The following RIC1 variants were observed in gnomAD, a reference collection of about 807,000 sequenced individuals.
The protein encoded by RIC1 is guanine nucleotide exchange factor subunit RIC1.
A neutral mutation model predicts 169.0 loss-of-function variants in RIC1; 88 were observed. The observed-to-expected ratio is 0.52, with a 90% CI of 0.44 to 0.62. The LOEUF is 0.62. Ranked by LOEUF, RIC1 falls within the 20% of genes least tolerant of loss-of-function variation. The pLI is 0.00. For missense variants in RIC1, 1,877 were observed against 1,725.5 expected (o/e 1.09, Z -1.56); for synonymous variants, 790 against 601.5 (o/e 1.31, Z -4.59).
At chr9:5,688,976 A>G (rs1313200867) in intron 2 of RIC1, among the ~76,000 whole-genome samples, 1 of 152,110 alleles carries the variant, frequency 6.6e-6, no homozygotes, top group Non-Finnish European at 1.5e-5. Context: ...TGAACTTCAC[A>G]AATGTATGTA....
At chr9:5,664,872 G>C (rs1368847948) in intron 2 of RIC1, among the ~76,000 whole-genome samples, 2 of 152,092 alleles carry the variant, frequency 1.3e-5, no homozygotes, top group African/African-American at 4.8e-5. Flanking sequence ...TTCAAGCTCT[G>C]AGATTCTTTT....
intron 6 of RIC1, among the ~76,000 whole-genome samples, chr9:5,727,176 C>G (rs2130900582): frequency 2.0e-5 from 3 of 152,334 alleles, no homozygotes; most frequent in Middle Eastern, 6.8e-3. Flanking sequence ...TTCTCCCCGT[C>G]ACTTTCAGGT....
At chr9:5,679,959 A>G (rs1820713006) in intron 2 of RIC1, among the ~76,000 whole-genome samples, 1 of 152,222 alleles carries the variant, frequency 6.6e-6, no homozygotes, top group Non-Finnish European at 1.5e-5. Context: ...TCCATCCAGT[A>G]TAATATTGGC....
chr9:5,754,329 C>T (rs557338685), intron 14 of RIC1, among the ~76,000 whole-genome samples: 1 of 152,260 alleles, frequency 6.6e-6, no homozygotes, highest in African/African-American at 2.4e-5. Flanking sequence ...TAATGGTATA[C>T]TTGCCTTCTT....
chr9:5,747,917 C>T (rs1356943031), intron 12 of RIC1, among the ~76,000 whole-genome samples: 2 of 152,274 alleles, frequency 1.3e-5, no homozygotes, highest in Admixed American at 1.3e-4. Context: ...TAAGGGGCCA[C>T]GTTGAGGTTA....
At chr9:5,756,097 C>T (rs1458254394) in intron 15 of RIC1, 115 bp from the exon 16 acceptor site, 16 of 532,876 alleles carry the variant, frequency 3.0e-5, no homozygotes, top group South Asian at 5.7e-5. Context: ...CTTTTAACTC[C>T]TGTTACTAAA....
chr9:5,681,926 C>T (rs1048606374), intron 2 of RIC1, among the ~76,000 whole-genome samples: 1 of 152,130 alleles, frequency 6.6e-6, no homozygotes, highest in Non-Finnish European at 1.5e-5. Flanking sequence ...CCTTCTTTGT[C>T]TCTTTTGATC....
intron 12 of RIC1, among the ~76,000 whole-genome samples, chr9:5,752,138 T>C (rs1825759138): frequency 6.6e-6 from 1 of 152,226 alleles, no homozygotes; most frequent in South Asian, 2.1e-4. Context: ...ATGTCAATTA[T>C]TTAAATTGAA....
Position 5,647,635 on chromosome 9 carries a change from TTTG to T in RIC1, c.145-8937_145-8935del, listed in dbSNP as rs993180537. On this transcript the variant is annotated intron_variant, in intron 1 of 25. Coordinates refer to ENST00000414202, the MANE Select transcript of RIC1 (RefSeq NM_020829.4). ...TCCTGAATTCATTCATTCTAACAGGTTTGTTGTTGTTGTGGAATCTTTAGAGTC... is the reference window on the plus strand; with the variant it reads ...TCCTGAATTCATTCATTCTAACAGGTTTGTTGTTGTGGAATCTTTAGAGTC... 6.6e-5 allele frequency among the ~76,000 whole-genome samples: 10 copies of T among 152,300 alleles called. No homozygotes were observed. The East Asian group carries it at 7.7e-4, about 12-fold the overall frequency.
chr9:5,645,057 A>G (rs1010229985), intron 1 of RIC1, among the ~76,000 whole-genome samples: 5 of 152,076 alleles, frequency 3.3e-5, no homozygotes, highest in African/African-American at 1.2e-4. Flanking sequence ...ATTTCGCTAT[A>G]CCTATGTAGT....
intron 2 of RIC1, among the ~76,000 whole-genome samples, chr9:5,685,446 G>C (rs957148631): frequency 4.7e-4 from 70 of 149,818 alleles, no homozygotes; most frequent in African/African-American, 1.7e-3. Context: ...CAATGGAACA[G>C]AACAGAGCCC....
chr9:5,678,454 A>C, intron 2 of RIC1, among the ~76,000 whole-genome samples: 1 of 152,016 alleles, frequency 6.6e-6, no homozygotes, highest in Non-Finnish European at 1.5e-5. Context: ...ACTAGTTTAC[A>C]GTCCCACCAA....
chr9:5,691,769 A>G (rs1007533400), intron 3 of RIC1, among the ~76,000 whole-genome samples: 3 of 152,032 alleles, frequency 2.0e-5, no homozygotes, highest in African/African-American at 7.2e-5. Context: ...AATAAAAAGC[A>G]GTAATCAGAA....
At chr9:5,674,873 T>G (rs1820350659) in intron 2 of RIC1, among the ~76,000 whole-genome samples, 1 of 152,206 alleles carries the variant, frequency 6.6e-6, no homozygotes, top group Non-Finnish European at 1.5e-5. Context: ...GGCATATGCT[T>G]AACCTTGGCA....
chr9:5,688,254 A>G (rs965577359), intron 2 of RIC1, among the ~76,000 whole-genome samples: 2 of 151,986 alleles, frequency 1.3e-5, no homozygotes, highest in Non-Finnish European at 2.9e-5. Context: ...CTTCTTCTCA[A>G]CTCTGGAAGT....
Position 5,770,079 on chromosome 9 carries a change from C to G in RIC1, c.3425-8C>G. ...CCTCCATTTTTTGTTTTCGGACCCA[C>G]TCTGCAGTGGGAGAGCAGCTGTTAA... On this transcript the variant is annotated splice_polypyrimidine_tract_variant and splice_region_variant and intron_variant, in intron 22 of 25. Coordinates refer to ENST00000414202, the MANE Select transcript of RIC1 (RefSeq NM_020829.4). 1 of 1,605,290 alleles carries G rather than the reference C, an allele frequency of 6.2e-7. No individual in the cohort carries two copies. Among genetic ancestry groups the G allele is most frequent in the Non-Finnish European group, 8.5e-7 (1 of 1,175,392 alleles).
intron 3 of RIC1, among the ~76,000 whole-genome samples, chr9:5,704,674 TTGA>T (rs1366436896): frequency 1.3e-5 from 2 of 152,162 alleles, no homozygotes; most frequent in Admixed American, 1.3e-4. Context: ...AAGTTTAATT[TTGA>T]TGAAGTCCAA....
At chr9:5,742,505 T>A (rs565556048) in intron 8 of RIC1, among the ~76,000 whole-genome samples, 1 of 152,308 alleles carries the variant, frequency 6.6e-6, no homozygotes, top group South Asian at 2.1e-4. Flanking sequence ...AAGGCCTGCA[T>A]ATGTTTTTTT....
At chr9:5,745,478 AC>A (rs1825323168) in intron 10 of RIC1, among the ~76,000 whole-genome samples, 1 of 152,120 alleles carries the variant, frequency 6.6e-6, no homozygotes, top group Non-Finnish European at 1.5e-5. Context: ...TATAATGAAG[AC>A]TCTAGTCTCA....
Sources: allele counts gnomAD v4.1 joint callset (sites outside exome capture counted in the v4.1 genomes callset), GRCh38; gene constraint gnomAD v4.1.1; transcripts MANE v1.5; gene names NCBI Gene and HGNC (gene_info 2026-07-23, HGNC 2026-07-21).